The following IGFN1 variants were observed in gnomAD, a reference collection of about 807,000 sequenced individuals.
The protein encoded by IGFN1 is immunoglobulin like and fibronectin type III domain containing 1, also known as immunoglobulin-like and fibronectin type III domain-containing protein 1.
Under a neutral mutation model 289.5 loss-of-function variants are expected in IGFN1, and 253 were observed. The observed-to-expected ratio is 0.87, with a 90% CI of 0.79 to 0.97. The LOEUF is 0.97. IGFN1 is among the 50% of genes least tolerant of loss of function. The pLI is 0.00. For missense variants in IGFN1, 4,470 were observed against 4,686.1 expected (o/e 0.95, Z 1.35); for synonymous variants, 1,706 against 1,788.5 (o/e 0.95, Z 1.16).
At chr1:201,198,388 G>A (rs544753158) in intron 5 of IGFN1, among the ~76,000 whole-genome samples, 249 of 152,182 alleles carry the variant, frequency 1.6e-3, no homozygotes, top group African/African-American at 5.7e-3. Context: ...CACCTGCCTC[G>A]GCCTCCCAAA....
intron 23 of IGFN1, among the ~76,000 whole-genome samples, chr1:201,227,681 C>T (rs1432549787): frequency 2.6e-5 from 4 of 152,122 alleles, no homozygotes; most frequent in Admixed American, 6.5e-5. Context: ...CCACCCGCCT[C>T]GGCCTCCCAA....
rs375405362 is a variant in IGFN1 at position 201,224,706 on chromosome 1, C to A, written c.10318C>A (p.Leu3440Met). The stretch of plus-strand genomic sequence containing the variant: ...CATGCCCATGCCTGAGGTGACCTGG[C>A]TGAAGGATGGCTTGCCCTTGCCCAA... ...EAMPMPEVTW[L>M]KDGLPLPKRS... The change falls in exon 21 of 24, where the codon CTG (leucine) becomes ATG (methionine). Residue 3440 changes from leucine (L) to methionine (M), a missense_variant. This residue lies in a region of IGFN1 where 2,218 missense variants were observed against 2,114.1 expected (regional missense o/e 1.05). Coordinates refer to ENST00000335211, the MANE Select transcript of IGFN1 (RefSeq NM_001164586.2). 1 of 1,614,058 alleles carries A rather than the reference C, an allele frequency of 6.2e-7. No individual in the cohort carries two copies. Among genetic ancestry groups the A allele is most frequent in the African/African-American group, 1.3e-5 (1 of 74,942 alleles).
chr1:201,217,189 G>A, intron 16 of IGFN1, 98 bp from the exon 17 acceptor site: 1 of 1,061,994 alleles, frequency 9.4e-7, no homozygotes, highest in Non-Finnish European at 1.4e-6. Flanking sequence ...GCGGAGTGTG[G>A]CCTGTCCCAG....
chr1:201,200,403 A>G lies in IGFN1; in HGVS notation c.625A>G (p.Met209Val). 2.6e-6 allele frequency: 4 copies of G among 1,551,534 alleles called. No individual in the cohort carries two copies. The highest frequency in any genetic ancestry group is 3.5e-6 in the Non-Finnish European group (4 of 1,146,910). The change falls in exon 8 of 24, where the codon ATG becomes GTG. Residue 209 changes from methionine (M) to valine (V), a missense_variant. Met to Val is a conservative substitution (Grantham distance 21). This residue lies in a region of IGFN1 where 2,011 missense variants were observed against 1,953.4 expected (regional missense o/e 1.03). Transcript: ENST00000335211. ...GATGAAGAAGGAACAGGAGGACAAGATGGCACAGGTGCCTCACCCCATTCC... is the reference window on the plus strand; with the variant it reads ...GATGAAGAAGGAACAGGAGGACAAGGTGGCACAGGTGCCTCACCCCATTCC... ...QEMKKEQEDK[M>V]AQYINTISSL...
At position 201,206,808 on chromosome 1, in the gene IGFN1, G is replaced by A. The variant is rs1217891244; in HGVS notation, c.1915G>A (p.Asp639Asn). The change falls in exon 12 of 24, where the codon GAC becomes AAC. Residue 639 changes from aspartate to asparagine, a missense_variant. Transcript: ENST00000335211. ...ISQDDSLAEM[D>N]RGDAPSRERG... ...ACAGGATGACAGCCTGGCTGAGATGGACAGAGGGGATGCTCCAAGTAGGGA... is the reference window on the plus strand; with the variant it reads ...ACAGGATGACAGCCTGGCTGAGATGAACAGAGGGGATGCTCCAAGTAGGGA... 6.5e-7 allele frequency: 1 copy of A among 1,537,000 alleles called. No individual in the cohort carries two copies. The highest frequency in any genetic ancestry group is 8.7e-7 in the Non-Finnish European group (1 of 1,146,906).
In IGFN1 at chr1:201,226,942, T is replaced by C; in HGVS notation, c.10847T>C (p.Phe3616Ser). The change falls in exon 23 of 24, where the codon TTC becomes TCC. Residue 3616 changes from phenylalanine to serine, a missense_variant. This residue lies in a region of IGFN1 where 2,218 missense variants were observed against 2,114.1 expected (regional missense o/e 1.05). Coordinates refer to ENST00000335211, the MANE Select transcript of IGFN1 (RefSeq NM_001164586.2). Reference protein sequence around the residue: ...REPDLSQKPRFLVGLRSHLLP... With the variant: ...REPDLSQKPRSLVGLRSHLLP... The stretch of plus-strand genomic sequence containing the variant: ...CCCGACCTGAGCCAGAAGCCCCGGT[T>C]CCTGGTGGGCCTGCGGTCCCACCTG... 2 of 1,611,550 alleles carry C rather than the reference T, an allele frequency of 1.2e-6. No homozygotes were observed. Among genetic ancestry groups the C allele is most frequent in the African/African-American group, 1.3e-5 (1 of 75,022 alleles).
chr1:201,192,797 G>C (rs1666715450), intron 1 of IGFN1, among the ~76,000 whole-genome samples: 2 of 152,142 alleles, frequency 1.3e-5, no homozygotes, highest in Non-Finnish European at 2.9e-5. Flanking sequence ...AAGCCAATGG[G>C]GCAAGCTGAA....
Position 201,208,546 on chromosome 1 carries a change from C to G in IGFN1, c.3653C>G (p.Ser1218Ter), listed in dbSNP as rs376440905. The change falls in exon 12 of 24, where the codon TCA becomes TGA. Residue 1218 changes from serine to a stop codon, truncating the protein, a stop_gained. Transcript: ENST00000335211. LOFTEE classifies it high-confidence loss of function. Reference protein sequence around the residue: ...AGNVLGYEDGSELPGPQGTGV... With the variant: ...AGNVLGYEDG ...AATGTGCTGGGTTATGAGGATGGAT[C>G]AGAACTTCCAGGGCCTCAGGGAACT... is the stretch of plus-strand genomic sequence containing the variant. 4 of 1,462,798 alleles carry G rather than the reference C, an allele frequency of 2.7e-6. No individual in the cohort carries two copies. Among genetic ancestry groups the G allele is most frequent in the Non-Finnish European group, 2.7e-6 (3 of 1,115,898 alleles). 90.6% of individuals were successfully genotyped at this position (1,462,798 alleles called of 1,614,324 possible). A position where few individuals can be genotyped will look rare whatever the true frequency, so the allele number is the denominator to read the frequency against.
intron 21 of IGFN1, among the ~76,000 whole-genome samples, 164 bp downstream of exon 21, chr1:201,225,038 AG>A (rs1435563068): frequency 3.9e-5 from 6 of 152,256 alleles, no homozygotes; most frequent in Non-Finnish European, 1.5e-5. Flanking sequence ...GAAAGTAGAA[AG>A]GACCCCAGAA....
intron 10 of IGFN1, among the ~76,000 whole-genome samples, chr1:201,204,601 C>G (rs1476861650): frequency 6.6e-6 from 1 of 152,198 alleles, no homozygotes; most frequent in African/African-American, 2.4e-5. Context: ...GAAAACAGTG[C>G]AGTTTGGGAA....
At chr1:201,201,424 A>C (rs532520436) in intron 8 of IGFN1, among the ~76,000 whole-genome samples, 2 of 152,312 alleles carry the variant, frequency 1.3e-5, no homozygotes, top group African/African-American at 4.8e-5. Flanking sequence ...AGAGCTTTGC[A>C]CACGGTAGGT....
chr1:201,200,430 A>G lies in IGFN1; in HGVS notation c.633+19A>G, dbSNP rs1667102746. 1 of 1,543,312 alleles carries G rather than the reference A, an allele frequency of 6.5e-7. No individual in the cohort carries two copies. The highest frequency in any genetic ancestry group is 8.8e-7 in the Non-Finnish European group (1 of 1,140,630). ...GGCACAGGTGCCTCACCCCATTCCC[A>G]CCCCTCACTCCATGCCCACCCCACA... On this transcript the variant is annotated intron_variant, in intron 8 of 23. Transcript: ENST00000335211.
chr1:201,195,508 C>T (rs2102317246), intron 3 of IGFN1, among the ~76,000 whole-genome samples: 1 of 152,272 alleles, frequency 6.6e-6, no homozygotes, highest in Non-Finnish European at 1.5e-5. Flanking sequence ...AGACTCCTTG[C>T]TCACCCACTC....
In IGFN1 at chr1:201,212,374, A is replaced by C. The variant is rs772963834; in HGVS notation, c.7481A>C (p.Gln2494Pro). 2.0e-4 allele frequency: 305 copies of C among 1,536,878 alleles called. 2 individuals carry two copies. In the Middle Eastern group the frequency reaches 2.3e-3, roughly 12 times the overall value. The change falls in exon 12 of 24, where the codon CAA (glutamine) becomes CCA (proline). Residue 2494 changes from glutamine to proline, a missense_variant. This residue lies in a region of IGFN1 where 2,218 missense variants were observed against 2,114.1 expected (regional missense o/e 1.05). Coordinates refer to ENST00000335211, the MANE Select transcript of IGFN1 (RefSeq NM_001164586.2). ...AKGKPDVKEWQDSSGTPGSSR... is the reference protein window; with the variant it reads ...AKGKPDVKEWPDSSGTPGSSR... ...GGAAAACCAGATGTCAAAGAATGGC[A>C]AGACAGTTCTGGGACTCCAGGGTCT...
At chr1:201,201,457 G>A (rs994297797) in intron 8 of IGFN1, among the ~76,000 whole-genome samples, 14 of 152,204 alleles carry the variant, frequency 9.2e-5, no homozygotes, top group African/African-American at 3.4e-4. Flanking sequence ...TTCGTTAGAA[G>A]TACAGATAGA....
rs1401586405 is a variant in IGFN1 at position 201,199,651 on chromosome 1, A to G, written c.455A>G (p.Lys152Arg). 3.2e-6 allele frequency: 5 copies of G among 1,551,552 alleles called. No homozygotes were observed. The Admixed American group carries it at 9.8e-5, about 30-fold the overall frequency. ...ELMDFRKLLKKRAPPAPKKKM... is the reference protein window; with the variant it reads ...ELMDFRKLLKRRAPPAPKKKM... The stretch of plus-strand genomic sequence containing the variant: ...ATGGACTTCCGGAAGTTGCTGAAAA[A>G]GAGGTGGGTTTGGGCCTGTCCATGA... Residue 152 changes from lysine (K) to arginine (R), a missense_variant, in exon 7 of 24, where the codon AAG (lysine) becomes AGG (arginine). By Grantham distance (26) the Lys-to-Arg change is conservative (BLOSUM62 2). Around this residue, in one of 8 missense-constraint regions of IGFN1, gnomAD observed 2,011 missense variants for 1,953.4 expected, o/e 1.03. Transcript: ENST00000335211.
intron 17 of IGFN1, 113 bp from the exon 18 acceptor site, chr1:201,218,417 A>G: frequency 1.0e-6 from 1 of 954,232 alleles, no homozygotes; most frequent in South Asian, 1.6e-5. Context: ...GGATGTAGGG[A>G]GGGATGTGTT....
At position 201,217,307 on chromosome 1, in the gene IGFN1, G is replaced by A. The variant is rs761832601; in HGVS notation, c.9616G>A (p.Ala3206Thr). ...APEALPKAPSAPAILSASSQG... is the reference protein window; with the variant it reads ...APEALPKAPSTPAILSASSQG... The stretch of plus-strand genomic sequence containing the variant: ...CCCAGCTCTCCCCAAGGCCCCTTCC[G>A]CGCCAGCCATCCTGTCGGCCTCCAG... The change falls in exon 17 of 24, where the codon GCG (alanine) becomes ACG (threonine). Residue 3206 changes from alanine (A) to threonine (T), a missense_variant. Coordinates refer to ENST00000335211, the MANE Select transcript of IGFN1 (RefSeq NM_001164586.2). 33 of 1,613,824 alleles carry A rather than the reference G, an allele frequency of 2.0e-5. No homozygotes were observed. Among genetic ancestry groups the A allele is most frequent in the Middle Eastern group, 1.7e-4 (1 of 6,004 alleles).
chr1:201,212,970 G>A lies in IGFN1; in HGVS notation c.8077G>A (p.Asp2693Asn). 1 of 1,551,534 alleles carries A rather than the reference G, an allele frequency of 6.4e-7. No homozygotes were observed. The highest frequency in any genetic ancestry group is 8.7e-7 in the Non-Finnish European group (1 of 1,146,970). Residue 2693 changes from aspartate to asparagine, a missense_variant, in exon 12 of 24, where the codon GAT becomes AAT. Coordinates refer to ENST00000335211, the MANE Select transcript of IGFN1 (RefSeq NM_001164586.2). ...TGGATGCCGAAGCCCATGGTCCCTG[G>A]ATAGCAAAGGTTCAAGTCCTGGAAG... ...AGGCRSPWSL[D>N]SKGSSPGRGS...
Sources: allele counts gnomAD v4.1 joint callset (sites outside exome capture counted in the v4.1 genomes callset), GRCh38; gene constraint gnomAD v4.1.1; regional missense constraint gnomAD v4.1.1; transcripts MANE v1.5; gene names NCBI Gene and HGNC (gene_info 2026-07-23, HGNC 2026-07-21).